The following CTNND2 variants were observed in gnomAD, a reference collection of about 807,000 sequenced individuals.
CTNND2 encodes the protein catenin delta-2.
In CTNND2, 22 loss-of-function variants were observed where a neutral mutation model predicts 144.4. The observed-to-expected ratio is 0.15, with a 90% CI of 0.11 to 0.22. The LOEUF is 0.22. Among genes scored for constraint, CTNND2 ranks in the 10% least tolerant of loss-of-function variants. The pLI is 1.00. For missense variants in CTNND2, 1,353 were observed against 1,618.8 expected (o/e 0.84, Z 2.82); for synonymous variants, 751 against 695.6 (o/e 1.08, Z -1.25).
chr5:11,268,349 G>C (rs1745661416), intron 9 of CTNND2, among the ~76,000 whole-genome samples: 1 of 152,206 alleles, frequency 6.6e-6, no homozygotes, highest in African/African-American at 2.4e-5. Flanking sequence ...TTGGGAGGCT[G>C]AGGTGGGCAG....
chr5:11,708,808 T>A (rs906493780), intron 2 of CTNND2, among the ~76,000 whole-genome samples: 3 of 151,988 alleles, frequency 2.0e-5, no homozygotes, highest in Non-Finnish European at 4.4e-5. Context: ...CCCTGAAGAG[T>A]ACCCTCCTTC....
intron 1 of CTNND2, among the ~76,000 whole-genome samples, chr5:11,753,894 C>T (rs1316494950): frequency 6.6e-6 from 1 of 151,350 alleles, no homozygotes; most frequent in South Asian, 2.1e-4. Context: ...CTTTTCTCAC[C>T]TTGGGAGACT....
intron 2 of CTNND2, among the ~76,000 whole-genome samples, chr5:11,574,547 C>G (rs1016646797): frequency 6.6e-6 from 1 of 152,118 alleles, no homozygotes; most frequent in Non-Finnish European, 1.5e-5. Context: ...TATAGCTCAT[C>G]ATTTCACACT....
chr5:11,618,738 A>G (rs1234136205), intron 2 of CTNND2, among the ~76,000 whole-genome samples: 2 of 152,184 alleles, frequency 1.3e-5, no homozygotes, highest in Non-Finnish European at 2.9e-5. Flanking sequence ...TTCTACTCAA[A>G]GCAAACACTT....
chr5:11,522,642 C>T (rs1426082631), intron 3 of CTNND2, among the ~76,000 whole-genome samples: 1 of 152,128 alleles, frequency 6.6e-6, no homozygotes, highest in African/African-American at 2.4e-5. Flanking sequence ...ATTGAAATTG[C>T]ACATAGAGAA....
intron 12 of CTNND2, among the ~76,000 whole-genome samples, chr5:11,149,041 G>C (rs1302759455): frequency 6.6e-6 from 1 of 152,196 alleles, no homozygotes; most frequent in Non-Finnish European, 1.5e-5. Flanking sequence ...GAAACTCAGC[G>C]CTGCTTCCGT....
At chr5:11,110,826 A>T in intron 14 of CTNND2, 32 bp downstream of exon 14, 1 of 1,593,084 alleles carries the variant, frequency 6.3e-7, no homozygotes, top group Non-Finnish European at 8.6e-7. Flanking sequence ...GGAAGGGGAT[A>T]ATTGCATGCA....
In CTNND2 at chr5:11,184,310, A is replaced by T. The variant is rs191383286; in HGVS notation, c.1975+15138T>A. On this transcript the variant is annotated intron_variant, in intron 11 of 21. Transcript: ENST00000304623. The stretch of plus-strand genomic sequence containing the variant: ...GTGGTTCACTGTTAAGTATATCTGG[A>T]AACCAGATAAGAGCGCATGTTTATG... Among the ~76,000 whole-genome samples, 655 of 152,340 alleles carry T rather than the reference A, an allele frequency of 4.3e-3. 5 individuals are homozygous for T. Among genetic ancestry groups the T allele is most frequent in the Admixed American group, 6.6e-3 (101 of 15,306 alleles).
At chr5:11,392,152 T>C (rs1759688342) in intron 6 of CTNND2, among the ~76,000 whole-genome samples, 1 of 152,172 alleles carries the variant, frequency 6.6e-6, no homozygotes, top group East Asian at 1.9e-4. Context: ...AATGGATTCA[T>C]TTTCCCCAGG....
intron 2 of CTNND2, among the ~76,000 whole-genome samples, chr5:11,570,524 T>A (rs922136604): frequency 3.3e-5 from 5 of 152,198 alleles, no homozygotes; most frequent in African/African-American, 1.2e-4. Context: ...TAGAGAATTC[T>A]AGGTTGGAAA....
At chr5:11,087,305 A>G (rs1483646112) in intron 15 of CTNND2, among the ~76,000 whole-genome samples, 1 of 152,194 alleles carries the variant, frequency 6.6e-6, no homozygotes, top group Non-Finnish European at 1.5e-5. Flanking sequence ...TGAAAAGCTT[A>G]TTTAGTTAGT....
intron 11 of CTNND2, among the ~76,000 whole-genome samples, chr5:11,170,579 T>TACACACAC (rs201527586): frequency 6.6e-6 from 1 of 151,248 alleles, no homozygotes; most frequent in African/African-American, 2.4e-5. Flanking sequence ...TACACACACA[T>TACACACAC]ACACACACAC....
intron 16 of CTNND2, among the ~76,000 whole-genome samples, chr5:11,068,717 C>T (rs1747888024): frequency 6.6e-6 from 1 of 152,138 alleles, no homozygotes. Context: ...AGATCGAGAC[C>T]ATCCTGGCTA....
At chr5:11,398,071 G>A (rs533800862) in intron 5 of CTNND2, among the ~76,000 whole-genome samples, 2 of 152,214 alleles carry the variant, frequency 1.3e-5, no homozygotes, top group Admixed American at 6.5e-5. Context: ...CATTGTGTGT[G>A]TTTGAGAGGG....
intron 9 of CTNND2, among the ~76,000 whole-genome samples, chr5:11,303,062 T>C (rs1749780513): frequency 6.6e-6 from 1 of 152,208 alleles, no homozygotes; most frequent in African/African-American, 2.4e-5. Flanking sequence ...AATGTAATGT[T>C]CCAAGTATGT....
chr5:11,796,678 C>G (rs1791420889), intron 1 of CTNND2, among the ~76,000 whole-genome samples: 2 of 152,146 alleles, frequency 1.3e-5, no homozygotes, highest in Non-Finnish European at 2.9e-5. Flanking sequence ...AAATAATATA[C>G]TTAAAATCAT....
intron 9 of CTNND2, among the ~76,000 whole-genome samples, chr5:11,336,374 T>G (rs1273483631): frequency 1.3e-5 from 2 of 152,188 alleles, no homozygotes; most frequent in Non-Finnish European, 2.9e-5. Flanking sequence ...GCCTATTAAA[T>G]ACATAAACAC....
At chr5:11,772,466 C>T (rs992218071) in intron 1 of CTNND2, among the ~76,000 whole-genome samples, 5 of 152,052 alleles carry the variant, frequency 3.3e-5, no homozygotes, top group African/African-American at 4.8e-5. Flanking sequence ...TATTTTAAAC[C>T]GTCTCTGAAA....
At chr5:11,525,302 G>A (rs1251048537) in intron 3 of CTNND2, among the ~76,000 whole-genome samples, 1 of 152,046 alleles carries the variant, frequency 6.6e-6, no homozygotes, top group African/African-American at 2.4e-5. Context: ...CCCTTCCCCA[G>A]GAGGCTCTTG....
Sources: gnomAD v4.1 joint callset for allele counts (sites outside exome capture counted in the v4.1 genomes callset) on GRCh38, gnomAD v4.1.1 for gene constraint, MANE v1.5 for transcripts, NCBI Gene and HGNC (gene_info 2026-07-23, HGNC 2026-07-21) for gene names.